Variants in MALRD1 observed in about 807,000 individuals in gnomAD.
The protein encoded by MALRD1 is MAM and LDL receptor class A domain containing 1.
Under a neutral mutation model 242.1 loss-of-function variants are expected in MALRD1, and 247 were observed. The ratio of observed to expected loss-of-function variants is 1.02; its 90% CI spans 0.92 to 1.13. The LOEUF (loss-of-function observed/expected upper bound fraction) is 1.13. MALRD1 is among the 50% of genes most tolerant of loss of function. The pLI is 0.00. For missense variants in MALRD1, 2,989 were observed against 2,533.1 expected, an observed-to-expected ratio of 1.18 and a Z score of -3.86; for synonymous variants, 995 against 866.6, an observed-to-expected ratio of 1.15 and a Z score of -2.60.
At chr10:19,560,908 T>C (rs554568567) in intron 32 of MALRD1, among the ~76,000 whole-genome samples, 4 of 152,134 alleles carry the variant, frequency 2.6e-5, no homozygotes, top group African/African-American at 9.6e-5. Flanking sequence ...TGTATACCTA[T>C]GTAACAAACC....
At chr10:19,586,874 C>G (rs961115696) in intron 33 of MALRD1, among the ~76,000 whole-genome samples, 1 of 152,200 alleles carries the variant, frequency 6.6e-6, no homozygotes, top group Admixed American at 6.5e-5. Context: ...TAGCAATCAG[C>G]GAGACTCCGT....
chr10:19,067,301 G>A (rs1453853361), intron 2 of MALRD1, among the ~76,000 whole-genome samples: 1 of 152,094 alleles, frequency 6.6e-6, no homozygotes, highest in Non-Finnish European at 1.5e-5. Context: ...CTGCTGAACT[G>A]CTCTCTAGAC....
At chr10:19,569,082 C>G (rs899845803) in intron 33 of MALRD1, among the ~76,000 whole-genome samples, 1 of 151,872 alleles carries the variant, frequency 6.6e-6, no homozygotes, top group African/African-American at 2.4e-5. Context: ...TATTCTAGAT[C>G]GATATTCATA....
chr10:19,555,917 A>G (rs1835698081), intron 32 of MALRD1, among the ~76,000 whole-genome samples: 1 of 152,130 alleles, frequency 6.6e-6, no homozygotes, highest in Non-Finnish European at 1.5e-5. Context: ...AGAGGGAGAG[A>G]AAAGGAGGGT....
chr10:19,182,657 G>A (rs1446985345), intron 14 of MALRD1, among the ~76,000 whole-genome samples: 3 of 152,042 alleles, frequency 2.0e-5, no homozygotes, highest in Middle Eastern at 3.4e-3. Context: ...ACTGCAAATC[G>A]TATAGCCTTT....
intron 29 of MALRD1, among the ~76,000 whole-genome samples, chr10:19,486,902 G>T (rs11593937): frequency 6.6e-6 from 1 of 151,898 alleles, no homozygotes; most frequent in East Asian, 1.9e-4. Context: ...GTGAGAGTTT[G>T]TTTAAATCTA....
chr10:19,067,193 A>G (rs1041136838), intron 2 of MALRD1, among the ~76,000 whole-genome samples: 1 of 152,180 alleles, frequency 6.6e-6, no homozygotes, highest in Non-Finnish European at 1.5e-5. Context: ...TAAATGGGAC[A>G]ATATACCTAG....
intron 36 of MALRD1, among the ~76,000 whole-genome samples, chr10:19,687,550 T>G (rs1377077480): frequency 6.6e-6 from 1 of 152,190 alleles, no homozygotes; most frequent in Admixed American, 6.5e-5. Context: ...TTATCCACTT[T>G]CCTTGTCCTA....
chr10:19,509,266 G>A (rs544634039), intron 31 of MALRD1, among the ~76,000 whole-genome samples: 429 of 152,222 alleles, frequency 2.8e-3, no homozygotes, highest in Non-Finnish European at 4.7e-3. Flanking sequence ...AGCAACAAGC[G>A]TTTATGAGCC....
At chr10:19,154,426 T>C (rs1477035634) in intron 11 of MALRD1, among the ~76,000 whole-genome samples, 3 of 152,214 alleles carry the variant, frequency 2.0e-5, no homozygotes, top group African/African-American at 7.2e-5. Flanking sequence ...CTTGACATTG[T>C]TGGGTATAGC....
chr10:19,679,142 G>A (rs911999453), intron 36 of MALRD1, among the ~76,000 whole-genome samples: 1 of 152,106 alleles, frequency 6.6e-6, no homozygotes, highest in Non-Finnish European at 1.5e-5. Flanking sequence ...ATCTCTACCA[G>A]GTTTTGGTAT....
At chr10:19,391,886 A>G (rs951033264) in intron 28 of MALRD1, among the ~76,000 whole-genome samples, 1 of 152,246 alleles carries the variant, frequency 6.6e-6, no homozygotes, top group African/African-American at 2.4e-5. Flanking sequence ...GAAGCAAAAA[A>G]GTGGTGGCCT....
At chr10:19,382,341 CGTGTGTGTGTGTGTATGTGTGA>C (rs1220206310) in intron 26 of MALRD1, among the ~76,000 whole-genome samples, 49 of 88,368 alleles carry the variant, frequency 5.5e-4, no homozygotes, top group African/African-American at 8.6e-4. Flanking sequence ...TAGATGGAAG[CGTGTGTGTGTGTGTATGTGTGA>C]GTGTGTGTGT....
intron 21 of MALRD1, among the ~76,000 whole-genome samples, chr10:19,283,971 G>A (rs1483901440): frequency 6.6e-6 from 1 of 152,158 alleles, no homozygotes; most frequent in Non-Finnish European, 1.5e-5. Context: ...CGCTGCAGAT[G>A]GTGTTAACTG....
At chr10:19,225,507 G>A (rs12416531) in intron 18 of MALRD1, among the ~76,000 whole-genome samples, 31,380 of 152,002 alleles carry the variant, frequency 0.21, 3,501 homozygotes, top group East Asian at 0.35. Flanking sequence ...ACATGTTAAT[G>A]TTATATATAT....
chr10:19,120,798 G>A (rs192798025), intron 5 of MALRD1, among the ~76,000 whole-genome samples: 1 of 152,298 alleles, frequency 6.6e-6, no homozygotes, highest in East Asian at 1.9e-4. Flanking sequence ...AAGCTGGAGT[G>A]CAGTGGCACG....
At position 19,186,314 on chromosome 10, in the gene MALRD1, T is replaced by C. The variant is rs148436614; in HGVS notation, c.1951+10986T>C. Among the ~76,000 whole-genome samples, 721 of 152,330 alleles carry C rather than the reference T, an allele frequency of 4.7e-3. 6 individuals are homozygous for C. Among genetic ancestry groups the C allele is most frequent in the Middle Eastern group, 0.017 (5 of 294 alleles). On this transcript the variant is annotated intron_variant, in intron 14 of 39. Transcript: ENST00000454679. ...TGAAAGACCCTAATGGGAGGTTGTT[T>C]CTGGTGAAGGCTCATCATTTCTGTG...
At chr10:19,243,818 G>A (rs948549716) in intron 18 of MALRD1, among the ~76,000 whole-genome samples, 14 of 152,134 alleles carry the variant, frequency 9.2e-5, no homozygotes, top group African/African-American at 3.4e-4. Flanking sequence ...AGCCTAGGAA[G>A]TGGAGTGATG....
intron 22 of MALRD1, 78 bp from the exon 23 acceptor site, chr10:19,327,485 T>A (rs879175239): frequency 2.2e-5 from 24 of 1,077,194 alleles, no homozygotes; most frequent in Non-Finnish European, 3.0e-5. Context: ...AAAAAAAAAA[T>A]CACTGGAAGA....
Sources: allele counts gnomAD v4.1 joint callset (sites outside exome capture counted in the v4.1 genomes callset), GRCh38; gene constraint gnomAD v4.1.1; transcripts MANE v1.5; gene names NCBI Gene and HGNC (gene_info 2026-07-23, HGNC 2026-07-21).